The following PXK variants were observed in gnomAD, a reference collection of about 807,000 sequenced individuals.
PXK encodes the protein PX domain containing serine/threonine kinase like.
In PXK, 35 loss-of-function variants were observed where a neutral mutation model predicts 84.7. That is an observed-to-expected ratio of 0.41 (90% CI 0.32 to 0.55). The LOEUF is 0.55. Ranked by LOEUF, PXK falls within the 20% of genes least tolerant of loss-of-function variation. The pLI is 0.21. For missense variants in PXK, 634 were observed against 699.7 expected (o/e 0.91, Z 1.06); for synonymous variants, 253 against 260.8 (o/e 0.97, Z 0.29).
chr3:58,335,421 T>C (rs1191185327), intron 1 of PXK, among the ~76,000 whole-genome samples: 1 of 152,238 alleles, frequency 6.6e-6, no homozygotes, highest in Non-Finnish European at 1.5e-5. Flanking sequence ...CTTACGCTGA[T>C]GCAAACTTTT....
chr3:58,343,335 A>C (rs2097767815), intron 1 of PXK, among the ~76,000 whole-genome samples: 2 of 152,234 alleles, frequency 1.3e-5, no homozygotes, highest in African/African-American at 4.8e-5. Flanking sequence ...GGCAGCATCA[A>C]GCACCCTGCT....
At chr3:58,369,335 A>T in intron 2 of PXK, 96 bp from the exon 3 acceptor site, 1 of 933,858 alleles carries the variant, frequency 1.1e-6, no homozygotes, top group Non-Finnish European at 1.6e-6. Context: ...CCTGAGCTCT[A>T]GAGTGCCAAT....
rs1216437636 is a variant in PXK, at chr3:58,333,214, C to T, written c.102+124C>T. On this transcript the variant is annotated intron_variant, in intron 1 of 17. Transcript: ENST00000356151. The surrounding 1 kb of genome is among the most constrained non-coding windows in gnomAD (Gnocchi z 5.4). ...AGACCGGGCCACAGGGTGGGCGGCC[C>T]TGGCCGAGAAGGCTGTGGCGCGCCG... is the stretch of plus-strand genomic sequence containing the variant. 5.2e-5 allele frequency: 27 copies of T among 521,700 alleles called. No homozygotes were observed. Among genetic ancestry groups the T allele is most frequent in the Admixed American group, 6.1e-5 (1 of 16,294 alleles). 32.3% of individuals were successfully genotyped at this position (521,700 alleles called of 1,614,324 possible).
intron 1 of PXK, among the ~76,000 whole-genome samples, chr3:58,354,290 C>T (rs543418314): frequency 1.3e-5 from 2 of 152,212 alleles, no homozygotes; most frequent in Admixed American, 6.5e-5. Flanking sequence ...AGATACCAAC[C>T]GTACCCCCAA....
chr3:58,375,363 G>A (rs548677090), intron 3 of PXK, among the ~76,000 whole-genome samples: 1 of 152,176 alleles, frequency 6.6e-6, no homozygotes, highest in East Asian at 1.9e-4. Flanking sequence ...TAGTAAATGA[G>A]CACTGTAAAC....
At chr3:58,365,469 G>A (rs942281055) in intron 1 of PXK, among the ~76,000 whole-genome samples, 5 of 152,192 alleles carry the variant, frequency 3.3e-5, no homozygotes, top group Non-Finnish European at 7.3e-5. Context: ...ACTGGATGGA[G>A]TGCTCTATAA....
intron 1 of PXK, among the ~76,000 whole-genome samples, chr3:58,337,879 T>C (rs749251508): frequency 1.4e-4 from 21 of 152,206 alleles, no homozygotes; most frequent in East Asian, 3.8e-4. Flanking sequence ...TTAAACTTTA[T>C]TTATTTATCA....
In PXK at chr3:58,410,179, A is replaced by G; in HGVS notation, c.1465+20A>G. ...ATTCAGGTAACTGGTTATAGATGGT[A>G]GTGGGGCCCAGGACACAGAGATCAG... On this transcript the variant is annotated intron_variant, in intron 16 of 17. Coordinates refer to ENST00000356151, the MANE Select transcript of PXK (RefSeq NM_017771.5). 1.3e-6 allele frequency: 2 copies of G among 1,527,578 alleles called. No homozygotes were observed. Among genetic ancestry groups the G allele is most frequent in the Non-Finnish European group, 1.8e-6 (2 of 1,100,912 alleles). The allele number at this position is 1,527,578 out of a possible 1,614,324, so 94.6% of individuals were successfully genotyped here.
intron 16 of PXK, among the ~76,000 whole-genome samples, chr3:58,410,994 G>A (rs547756201): frequency 2.6e-5 from 4 of 152,318 alleles, no homozygotes; most frequent in African/African-American, 9.6e-5. Flanking sequence ...AAGCCAAGGG[G>A]TTAGCATCCA....
In PXK at chr3:58,399,285, C is replaced by G. The variant is rs1251899002; in HGVS notation, c.1103-14C>G. The G allele has an allele frequency of 1.2e-6, 2 of 1,612,214 alleles. No homozygotes were observed. Among genetic ancestry groups the G allele is most frequent in the Non-Finnish European group, 1.7e-6 (2 of 1,178,398 alleles). On this transcript the variant is annotated splice_polypyrimidine_tract_variant and intron_variant, in intron 11 of 17. Coordinates refer to ENST00000356151, the MANE Select transcript of PXK (RefSeq NM_017771.5). This position sits in a 1 kb window ranked among gnomAD's most constrained non-coding sequence, Gnocchi z 4.3. ...TGTTCTGTGGAACTAAAATGTGTAT[C>G]TGTTCATTTCAAGTGGCCGTGTTGG...
intron 1 of PXK, among the ~76,000 whole-genome samples, chr3:58,343,180 T>TTGAGCC (rs2107798201): frequency 6.6e-6 from 1 of 152,338 alleles, no homozygotes; most frequent in South Asian, 2.1e-4. Flanking sequence ...TGCCTTCCTT[T>TTGAGCC]TGAGCCTGCC....
rs200822552 is a variant in PXK at position 58,409,948 on chromosome 3, T to C, written c.1396-142T>C. ...TTTGGCTGTGACTTCTTCACTGTGT[T>C]AAGTTATGGGGCTGAATATTACCTT... is the stretch of plus-strand genomic sequence containing the variant. On this transcript the variant is annotated intron_variant, in intron 15 of 17. Transcript: ENST00000356151. The surrounding 1 kb of genome is among the most constrained non-coding windows in gnomAD (Gnocchi z 4.2). 1.4e-4 allele frequency: 87 copies of C among 629,630 alleles called. 1 individual carries two copies. The East Asian group carries it at 1.7e-3, about 13-fold the overall frequency. The allele number at this position is 629,630 out of a possible 1,614,324, so 39.0% of individuals were successfully genotyped here.
chr3:58,363,257 T>C (rs1398776744), intron 1 of PXK, among the ~76,000 whole-genome samples: 1 of 152,224 alleles, frequency 6.6e-6, no homozygotes, highest in East Asian at 1.9e-4. Flanking sequence ...TTCTAATTTA[T>C]ACCTATATAT....
chr3:58,360,117 G>C (rs2098156851), intron 1 of PXK, among the ~76,000 whole-genome samples: 1 of 152,112 alleles, frequency 6.6e-6, no homozygotes. Context: ...GTGGATGACA[G>C]AGTAACACCT....
chr3:58,359,817 T>G (rs991247343), intron 1 of PXK, among the ~76,000 whole-genome samples: 1 of 152,192 alleles, frequency 6.6e-6, no homozygotes. Context: ...TTTATCTTTA[T>G]GTATTCAGAA....
intron 17 of PXK, chr3:58,423,188 C>G: frequency 1.0e-6 from 1 of 984,680 alleles, no homozygotes; most frequent in Non-Finnish European, 1.2e-6. Flanking sequence ...ATGCTCATCA[C>G]ACATGCTTAT....
At position 58,333,898 on chromosome 3, in the gene PXK, C is replaced by T. The variant is rs1225130970; in HGVS notation, c.102+808C>T. Among the ~76,000 whole-genome samples the T allele has an allele frequency of 7.9e-5, 12 of 151,046 alleles. No homozygotes were observed. The highest frequency in any genetic ancestry group is 2.9e-4 in the African/African-American group (12 of 41,058). ...TACCTTTTTTTTTTTTTGAAAGGCC[C>T]ACTATGCATTATAATTTCCAAGCAA... On this transcript the variant is annotated intron_variant, in intron 1 of 17. Coordinates refer to ENST00000356151, the MANE Select transcript of PXK (RefSeq NM_017771.5). This position sits in a 1 kb window ranked among gnomAD's most constrained non-coding sequence, Gnocchi z 5.4.
rs1432514015 is a variant in PXK, at chr3:58,395,071, A to G, written c.689A>G (p.Glu230Gly). 6.2e-7 allele frequency: 1 copy of G among 1,612,982 alleles called. No homozygotes were observed. The change falls in exon 8 of 18, where the codon GAA becomes GGA. Residue 230 changes from glutamate (E) to glycine (G), a missense_variant. Physicochemically the swap from Glu to Gly is moderately conservative, Grantham distance 98. This residue lies in a region of PXK where 353 missense variants were observed against 385.2 expected (regional missense o/e 0.92). Coordinates refer to ENST00000356151, the MANE Select transcript of PXK (RefSeq NM_017771.5). ...SSALLIRMFNEKGTLKDLIYK... is the reference protein window; with the variant it reads ...SSALLIRMFNGKGTLKDLIYK... Reference sequence around the variant, plus strand: ...GCGTTGCTAATTAGGATGTTTAACGAAAAGGGAACATTGAAGGATCTGATC... The same window carrying G: ...GCGTTGCTAATTAGGATGTTTAACGGAAAGGGAACATTGAAGGATCTGATC...
chr3:58,338,230 C>T (rs2097658801), intron 1 of PXK, among the ~76,000 whole-genome samples: 1 of 151,086 alleles, frequency 6.6e-6, no homozygotes, highest in African/African-American at 2.4e-5. Flanking sequence ...CGTCCAGCTA[C>T]TTGGGAGGCT....
Sources: gnomAD v4.1 joint callset for allele counts (sites outside exome capture counted in the v4.1 genomes callset) on GRCh38, gnomAD v4.1.1 for gene constraint, gnomAD v4.1.1 regional missense constraint, Gnocchi (gnomAD v3.1) non-coding constraint, MANE v1.5 for transcripts, NCBI Gene and HGNC (gene_info 2026-07-23, HGNC 2026-07-21) for gene names.